CDH20: variants seen among roughly 807,000 people sequenced by gnomAD.
CDH20 encodes cadherin-20.
In CDH20, 29 loss-of-function variants were observed where a neutral mutation model predicts 74.2. That is an observed-to-expected ratio of 0.39 (90% CI 0.29 to 0.53). The LOEUF is 0.53. Among genes scored for constraint, CDH20 ranks in the 20% least tolerant of loss-of-function variants. The pLI is 0.69. For missense variants in CDH20, 988 were observed against 1,048.3 expected, an observed-to-expected ratio of 0.94 and a Z score of 0.79; for synonymous variants, 469 against 405.4, an observed-to-expected ratio of 1.16 and a Z score of -1.88.
intron 7 of CDH20, among the ~76,000 whole-genome samples, chr18:61,531,059 G>A (rs1015067901): frequency 3.0e-4 from 46 of 152,054 alleles, no homozygotes; most frequent in African/African-American, 1.0e-3. Context: ...CAATTTCCTC[G>A]TTTTCCATCT....
At chr18:61,423,954 T>G (rs1912979623) in intron 1 of CDH20, among the ~76,000 whole-genome samples, 1 of 152,224 alleles carries the variant, frequency 6.6e-6, no homozygotes. Flanking sequence ...TAATTTTATC[T>G]TCCCTCATTC....
At chr18:61,358,475 T>G (rs62098064) in intron 1 of CDH20, among the ~76,000 whole-genome samples, 11,257 of 152,222 alleles carry the variant, frequency 0.074, 517 homozygotes, top group Non-Finnish European at 0.11. Flanking sequence ...TTATTGTTTT[T>G]CTTTATGTGC....
chr18:61,531,220 C>T (rs1912625472), intron 7 of CDH20, among the ~76,000 whole-genome samples: 1 of 152,238 alleles, frequency 6.6e-6, no homozygotes. Context: ...CTGAGGAAGG[C>T]TCCTGGTGTG....
intron 1 of CDH20, among the ~76,000 whole-genome samples, chr18:61,336,160 A>C (rs1909752263): frequency 6.6e-6 from 1 of 152,224 alleles, no homozygotes; most frequent in African/African-American, 2.4e-5. Flanking sequence ...AGAGCAGAGC[A>C]ATGTTCGTCT....
At chr18:61,488,421 C>T (rs1363215582) in intron 1 of CDH20, among the ~76,000 whole-genome samples, 1 of 152,158 alleles carries the variant, frequency 6.6e-6, no homozygotes, top group Non-Finnish European at 1.5e-5. Flanking sequence ...TCTGACTGTT[C>T]AAATGTCGGT....
chr18:61,378,329 A>T (rs557674431), intron 1 of CDH20, among the ~76,000 whole-genome samples: 1 of 152,258 alleles, frequency 6.6e-6, no homozygotes, highest in East Asian at 1.9e-4. Context: ...CAAACTAGAG[A>T]CCCAGAAGAC....
intron 1 of CDH20, among the ~76,000 whole-genome samples, chr18:61,406,218 T>C (rs183867938): frequency 3.5e-4 from 53 of 152,352 alleles, no homozygotes; most frequent in Non-Finnish European, 6.3e-4. Context: ...ATGTATTATT[T>C]CCTCAATATA....
At chr18:61,360,022 C>T (rs1307630590) in intron 1 of CDH20, among the ~76,000 whole-genome samples, 1 of 152,172 alleles carries the variant, frequency 6.6e-6, no homozygotes, top group African/African-American at 2.4e-5. Context: ...GTATGAGAAT[C>T]ACCAGAGGGC....
At chr18:61,457,639 G>T (rs1284064871) in intron 1 of CDH20, among the ~76,000 whole-genome samples, 1 of 152,106 alleles carries the variant, frequency 6.6e-6, no homozygotes, top group Non-Finnish European at 1.5e-5. Flanking sequence ...CTACTTCTCA[G>T]ACTTGTTGGA....
chr18:61,397,528 C>T (rs1055310118), intron 1 of CDH20, among the ~76,000 whole-genome samples: 14 of 152,142 alleles, frequency 9.2e-5, no homozygotes, highest in Admixed American at 7.9e-4. Context: ...CTTCCCTGAC[C>T]ACCCTATGCA....
chr18:61,496,905 T>C (rs986804826), intron 2 of CDH20, among the ~76,000 whole-genome samples: 1 of 152,080 alleles, frequency 6.6e-6, no homozygotes. Context: ...ATGTTTTTAA[T>C]TTAAAACACC....
intron 1 of CDH20, among the ~76,000 whole-genome samples, chr18:61,399,004 C>T (rs1420238550): frequency 2.6e-5 from 4 of 152,116 alleles, no homozygotes; most frequent in Non-Finnish European, 5.9e-5. Context: ...TTGAGGAGCA[C>T]AGGGTTGTCA....
chr18:61,393,341 A>C (rs1305954933), intron 1 of CDH20, among the ~76,000 whole-genome samples: 1 of 152,190 alleles, frequency 6.6e-6, no homozygotes, highest in Non-Finnish European at 1.5e-5. Context: ...ACAGTTATCA[A>C]GTGGCTCCTA....
At chr18:61,538,641 C>T (rs1342281846) in intron 8 of CDH20, among the ~76,000 whole-genome samples, 1 of 66,660 alleles carries the variant, frequency 1.5e-5, no homozygotes, top group Admixed American at 2.5e-4. Flanking sequence ...TTTTTTGAGA[C>T]GGAGTCTTAC....
intron 1 of CDH20, among the ~76,000 whole-genome samples, chr18:61,383,485 G>A (rs994078879): frequency 3.9e-5 from 6 of 152,142 alleles, no homozygotes; most frequent in Admixed American, 3.3e-4. Context: ...GTAGACCAAG[G>A]CAGGAGAATC....
chr18:61,339,925 C>A (rs572322592), intron 1 of CDH20, among the ~76,000 whole-genome samples: 19 of 151,958 alleles, frequency 1.3e-4, no homozygotes, highest in Non-Finnish European at 2.5e-4. Context: ...CTGCTGACCT[C>A]GTAATCCGCC....
chr18:61,483,363 G>T (rs530295127), intron 1 of CDH20, among the ~76,000 whole-genome samples: 61 of 152,284 alleles, frequency 4.0e-4, no homozygotes, highest in African/African-American at 1.3e-3. Context: ...GGCATTGAGA[G>T]GCTCCGGTGA....
At chr18:61,546,275 T>C (rs1444100205) in intron 10 of CDH20, among the ~76,000 whole-genome samples, 2 of 152,218 alleles carry the variant, frequency 1.3e-5, no homozygotes, top group African/African-American at 4.8e-5. Flanking sequence ...TTATTTGAGA[T>C]TAAAAGTATT....
chr18:61,506,163 T>C (rs528883987), intron 5 of CDH20, among the ~76,000 whole-genome samples: 1 of 152,360 alleles, frequency 6.6e-6, no homozygotes, highest in South Asian at 2.1e-4. Context: ...TGTATGTAGA[T>C]GTTTAAACAT....
Sources: gnomAD v4.1 joint callset for allele counts (sites outside exome capture counted in the v4.1 genomes callset) on GRCh38, gnomAD v4.1.1 for gene constraint, MANE v1.5 for transcripts, NCBI Gene and HGNC (gene_info 2026-07-23, HGNC 2026-07-21) for gene names.